GPC6: variants seen among roughly 807,000 people sequenced by gnomAD.
The protein encoded by GPC6 is glypican 6.
Under a neutral mutation model 55.2 loss-of-function variants are expected in GPC6, and 14 were observed. The observed-to-expected ratio is 0.25, with a 90% CI of 0.17 to 0.40. The LOEUF is 0.40. GPC6 is among the 10% of genes least tolerant of loss of function. The pLI is 1.00. For synonymous variants in GPC6, 278 were observed against 259.6 expected (o/e 1.07, Z -0.68); for missense variants, 641 against 708.5 (o/e 0.90, Z 1.08).
chr13:93,806,560 G>A (rs1227509723), intron 2 of GPC6, among the ~76,000 whole-genome samples: 8 of 152,124 alleles, frequency 5.3e-5, no homozygotes, highest in Admixed American at 3.3e-4. Flanking sequence ...GGCTGGTCTC[G>A]AACTCCTGAC....
intron 4 of GPC6, among the ~76,000 whole-genome samples, chr13:94,252,846 C>G (rs1891397809): frequency 1.3e-5 from 2 of 151,262 alleles, no homozygotes; most frequent in African/African-American, 4.9e-5. Flanking sequence ...AAATGGGACT[C>G]AAGGATATGA....
intron 6 of GPC6, among the ~76,000 whole-genome samples, chr13:94,360,489 T>C (rs1230242623): frequency 6.6e-6 from 1 of 152,100 alleles, no homozygotes; most frequent in Non-Finnish European, 1.5e-5. Flanking sequence ...AAATGTATAG[T>C]CTTGTATTTG....
rs375669931 is a variant in GPC6 at position 93,593,134 on chromosome 13, T to C, written c.319+47713T>C. Among the ~76,000 whole-genome samples, 12 of 152,294 alleles carry C rather than the reference T, an allele frequency of 7.9e-5. 1 individual carries two copies. In the South Asian group the frequency reaches 2.3e-3, roughly 29 times the overall value. ...TTGAGAACATTTGAAAAAATGACTG[T>C]ATTTTAATATATCATAGTTAAAATC... is the stretch of plus-strand genomic sequence containing the variant. On this transcript the variant is annotated intron_variant, in intron 2 of 8. Transcript: ENST00000377047.
At chr13:93,501,432 A>G (rs1284005425) in intron 1 of GPC6, among the ~76,000 whole-genome samples, 1 of 152,118 alleles carries the variant, frequency 6.6e-6, no homozygotes, top group African/African-American at 2.4e-5. Context: ...TATTTCTAGA[A>G]CAGAAATTAC....
At chr13:93,785,427 A>G (rs1436267489) in intron 2 of GPC6, among the ~76,000 whole-genome samples, 2 of 152,122 alleles carry the variant, frequency 1.3e-5, no homozygotes, top group Non-Finnish European at 2.9e-5. Flanking sequence ...TAGCCATGGT[A>G]ATGTTTCTGA....
chr13:93,858,327 G>A (rs114120024), intron 3 of GPC6, among the ~76,000 whole-genome samples: 5,792 of 151,580 alleles, frequency 0.038, 347 homozygotes, highest in African/African-American at 0.13. Flanking sequence ...AATGGCCAAT[G>A]GATTATGGTT....
chr13:93,372,586 T>C (rs1373995948), intron 1 of GPC6, among the ~76,000 whole-genome samples: 1 of 152,204 alleles, frequency 6.6e-6, no homozygotes, highest in Non-Finnish European at 1.5e-5. Flanking sequence ...GTATATTCTA[T>C]TACTTTATTC....
chr13:93,865,348 A>G (rs1398333019), intron 3 of GPC6, among the ~76,000 whole-genome samples: 6 of 151,716 alleles, frequency 4.0e-5, no homozygotes, highest in Non-Finnish European at 8.9e-5. Context: ...GCCTTTTGCC[A>G]GGGTTCAACT....
intron 2 of GPC6, among the ~76,000 whole-genome samples, chr13:93,728,803 G>A (rs1283291032): frequency 2.0e-5 from 3 of 152,090 alleles, no homozygotes; most frequent in South Asian, 2.1e-4. Flanking sequence ...CTGACCTCAG[G>A]TGTATCCGCC....
At chr13:93,347,275 A>C (rs76406391) in intron 1 of GPC6, among the ~76,000 whole-genome samples, 3,241 of 152,308 alleles carry the variant, frequency 0.021, 101 homozygotes, top group East Asian at 0.11. Flanking sequence ...TTCTGCTAAC[A>C]TGACTGGGTC....
intron 1 of GPC6, among the ~76,000 whole-genome samples, chr13:93,324,416 TAA>T (rs1422019349): frequency 1.3e-5 from 2 of 151,724 alleles, no homozygotes; most frequent in Non-Finnish European, 2.9e-5. Flanking sequence ...TTAAAATAAC[TAA>T]AAGAGTATAA....
chr13:93,234,694 G>GAGAGAGAGAGAGAGTGCA (rs1555336412), intron 1 of GPC6, among the ~76,000 whole-genome samples: 4 of 151,392 alleles, frequency 2.6e-5, no homozygotes, highest in South Asian at 2.1e-4. Flanking sequence ...GTGTGAGAGA[G>GAGAGAGAGAGAGAGTGCA]AGAGAGAGAG....
intron 4 of GPC6, among the ~76,000 whole-genome samples, chr13:94,115,138 A>G (rs950521507): frequency 2.0e-5 from 3 of 152,222 alleles, no homozygotes; most frequent in Non-Finnish European, 2.9e-5. Context: ...AAACCAGGCC[A>G]TAGGTTTATA....
At chr13:93,985,064 A>G (rs9589877) in intron 3 of GPC6, among the ~76,000 whole-genome samples, 23,246 of 152,120 alleles carry the variant, frequency 0.15, 2,149 homozygotes, top group East Asian at 0.39. Flanking sequence ...CTGCTCTGCT[A>G]TCCTGTAATG....
At position 93,432,947 on chromosome 13, in the gene GPC6, A is replaced by G. The variant is rs1265208104; in HGVS notation, c.161-112316A>G. ...AGAATAGGAGAAGGAGAAGGCAGAAAAAAAGGAAAGAAAAAAGAAGAGGGA... is the reference window on the plus strand; with the variant it reads ...AGAATAGGAGAAGGAGAAGGCAGAAGAAAAGGAAAGAAAAAAGAAGAGGGA... On this transcript the variant is annotated intron_variant, in intron 1 of 8. Transcript: ENST00000377047. 8.8e-5 allele frequency among the ~76,000 whole-genome samples: 4 copies of G among 45,492 alleles called. No individual in the cohort carries two copies. In the East Asian group the frequency reaches 2.1e-3, roughly 23 times the overall value. 29.8% of individuals were successfully genotyped at this position (45,492 alleles called of 152,430 possible). A position where few individuals can be genotyped will look rare whatever the true frequency, so the allele number is the denominator to read the frequency against.
chr13:94,041,809 C>T (rs916574228), intron 4 of GPC6, among the ~76,000 whole-genome samples: 2 of 151,760 alleles, frequency 1.3e-5, no homozygotes, highest in Non-Finnish European at 2.9e-5. Context: ...CTCGATCTTC[C>T]TAAAGTCAAA....
intron 2 of GPC6, among the ~76,000 whole-genome samples, chr13:93,747,222 T>A (rs189867164): frequency 6.6e-6 from 1 of 152,006 alleles, no homozygotes; most frequent in Non-Finnish European, 1.5e-5. Context: ...GAAAAGAAAT[T>A]GGTGGAGGCC....
chr13:94,267,058 G>C (rs922911248), intron 4 of GPC6, among the ~76,000 whole-genome samples: 8 of 152,094 alleles, frequency 5.3e-5, no homozygotes, highest in African/African-American at 1.9e-4. Flanking sequence ...GATGTTATTA[G>C]TTAGCCTTTA....
intron 2 of GPC6, among the ~76,000 whole-genome samples, chr13:93,776,087 G>T (rs7998877): frequency 0.96 from 129,694 of 134,900 alleles, 62,392 homozygotes; most frequent in African/African-American, 0.99. Flanking sequence ...GGGGGGTGGT[G>T]TACATTTTTA....
Sources: allele counts gnomAD v4.1 joint callset (sites outside exome capture counted in the v4.1 genomes callset), GRCh38; gene constraint gnomAD v4.1.1; transcripts MANE v1.5; gene names NCBI Gene and HGNC (gene_info 2026-07-23, HGNC 2026-07-21).